PTPRD: variants seen among roughly 807,000 people sequenced by gnomAD.
PTPRD encodes protein tyrosine phosphatase receptor type D, also known as receptor-type tyrosine-protein phosphatase delta.
Under a neutral mutation model 214.5 loss-of-function variants are expected in PTPRD, and 34 were observed. The ratio of observed to expected loss-of-function variants is 0.16; its 90% CI spans 0.12 to 0.21. The LOEUF (loss-of-function observed/expected upper bound fraction) is 0.21, where lower values mean the gene tolerates loss of function less well. Among genes scored for constraint, PTPRD ranks in the 10% least tolerant of loss-of-function variants. The probability of loss-of-function intolerance (pLI) is 1.00; values close to 1 mark genes in which losing one functional copy is unlikely to be tolerated. For synonymous variants in PTPRD, 1,128 were observed against 845.7 expected (o/e 1.33, Z -5.79); for missense variants, 2,545 against 2,398.7 (o/e 1.06, Z -1.27).
chr9:8,858,390 A>C (rs547514533), intron 11 of PTPRD: 1 of 152,654 alleles, frequency 6.6e-6, no homozygotes, highest in African/African-American at 2.4e-5. Context: ...GGGCCCGAGC[A>C]GAGTCGAGGG....
chr9:9,673,478 T>C (rs182539836), intron 7 of PTPRD, among the ~76,000 whole-genome samples: 52 of 151,866 alleles, frequency 3.4e-4, no homozygotes, highest in Admixed American at 1.3e-3. Flanking sequence ...GTTAGATTAA[T>C]CCCACTGTAG....
intron 3 of PTPRD, among the ~76,000 whole-genome samples, chr9:10,278,767 T>G (rs185129199): frequency 4.0e-4 from 61 of 151,646 alleles, no homozygotes; most frequent in Admixed American, 6.6e-4. Context: ...AAAGGTTTTT[T>G]TTTTGTTTTG....
intron 11 of PTPRD, among the ~76,000 whole-genome samples, chr9:8,866,171 T>G (rs973008018): frequency 2.6e-5 from 4 of 152,276 alleles, no homozygotes; most frequent in African/African-American, 9.6e-5. Flanking sequence ...ACTGAACAAG[T>G]CTTGGAGAGA....
At chr9:10,026,401 G>T (rs749294536) in intron 4 of PTPRD, among the ~76,000 whole-genome samples, 4 of 152,144 alleles carry the variant, frequency 2.6e-5, no homozygotes, top group African/African-American at 9.7e-5. Flanking sequence ...TTGTTTAAAA[G>T]ATCTGAAATG....
chr9:8,737,144 A>G (rs1376942161), intron 11 of PTPRD, among the ~76,000 whole-genome samples: 1 of 152,202 alleles, frequency 6.6e-6, no homozygotes, highest in East Asian at 1.9e-4. Flanking sequence ...GCATAAGAAG[A>G]CCAAATTTTT....
intron 14 of PTPRD, among the ~76,000 whole-genome samples, chr9:8,632,810 C>A (rs571468720): frequency 6.6e-6 from 1 of 151,948 alleles, no homozygotes; most frequent in South Asian, 2.1e-4. Flanking sequence ...AGAAAGATAA[C>A]AGACAAATAA....
intron 4 of PTPRD, among the ~76,000 whole-genome samples, chr9:10,018,597 G>C (rs1475123913): frequency 8.3e-6 from 1 of 120,522 alleles, no homozygotes; most frequent in South Asian, 3.0e-4. Flanking sequence ...GCCCAGGCTG[G>C]AGTGCAGTGG....
intron 10 of PTPRD, among the ~76,000 whole-genome samples, chr9:9,043,683 C>G (rs910133757): frequency 6.6e-6 from 1 of 152,050 alleles, no homozygotes; most frequent in African/African-American, 2.4e-5. Flanking sequence ...GCAGGCGGAT[C>G]ACGTGAGGCC....
At chr9:9,036,946 C>G (rs1161386501) in intron 10 of PTPRD, among the ~76,000 whole-genome samples, 1 of 152,124 alleles carries the variant, frequency 6.6e-6, no homozygotes, top group Non-Finnish European at 1.5e-5. Context: ...ATGCTTCCAA[C>G]TCTCCTTAAA....
chr9:9,927,881 G>T (rs903353719), intron 5 of PTPRD, among the ~76,000 whole-genome samples: 1 of 152,106 alleles, frequency 6.6e-6, no homozygotes, highest in African/African-American at 2.4e-5. Flanking sequence ...GACACGGGAA[G>T]AAAATGCAGT....
intron 8 of PTPRD, among the ~76,000 whole-genome samples, chr9:9,478,138 T>TG (rs1176724577): frequency 1.5e-3 from 162 of 110,632 alleles, no homozygotes; most frequent in African/African-American, 4.5e-3. Flanking sequence ...TTTGGCCTTG[T>TG]TACAGTTTTA....
chr9:10,596,399 G>A (rs2076635264), intron 2 of PTPRD, among the ~76,000 whole-genome samples: 1 of 151,574 alleles, frequency 6.6e-6, no homozygotes, highest in Non-Finnish European at 1.5e-5. Flanking sequence ...CTGAGCCCCT[G>A]TCATACAGAG....
chr9:9,809,319 G>C (rs904726039), intron 5 of PTPRD, among the ~76,000 whole-genome samples: 2 of 146,146 alleles, frequency 1.4e-5, no homozygotes, highest in African/African-American at 5.1e-5. Context: ...CCAAACTGGA[G>C]TGCAGTGGCC....
intron 33 of PTPRD, among the ~76,000 whole-genome samples, chr9:8,456,774 C>T (rs2096220255): frequency 1.3e-5 from 2 of 151,938 alleles, no homozygotes; most frequent in South Asian, 4.2e-4. Context: ...AGTGTGCATG[C>T]AGGCTAGATT....
intron 9 of PTPRD, among the ~76,000 whole-genome samples, chr9:9,269,101 A>C (rs1034231081): frequency 6.6e-6 from 1 of 151,456 alleles, no homozygotes; most frequent in African/African-American, 2.4e-5. Context: ...AAATATCTGC[A>C]AACCACATAT....
chr9:8,674,917 C>A (rs929881345), intron 12 of PTPRD, among the ~76,000 whole-genome samples: 1 of 152,124 alleles, frequency 6.6e-6, no homozygotes, highest in African/African-American at 2.4e-5. Context: ...CTGAGCATTA[C>A]TGTAAATCTA....
At chr9:9,845,010 T>C (rs969129166) in intron 5 of PTPRD, among the ~76,000 whole-genome samples, 5 of 147,590 alleles carry the variant, frequency 3.4e-5, no homozygotes, top group Non-Finnish European at 7.5e-5. Context: ...ACCACTGAAA[T>C]ACTGTATGTA....
At chr9:8,681,233 T>C (rs778754492) in intron 12 of PTPRD, among the ~76,000 whole-genome samples, 3 of 151,958 alleles carry the variant, frequency 2.0e-5, no homozygotes, top group Non-Finnish European at 4.4e-5. Flanking sequence ...TAGAAATCAG[T>C]TTTTAGTTAA....
chr9:9,866,981 G>C (rs1250100229), intron 5 of PTPRD, among the ~76,000 whole-genome samples: 2 of 152,076 alleles, frequency 1.3e-5, no homozygotes, highest in African/African-American at 4.8e-5. Flanking sequence ...TTTGAGTATA[G>C]TCATGTTATT....
Sources: gnomAD v4.1 joint callset for allele counts (sites outside exome capture counted in the v4.1 genomes callset) on GRCh38, gnomAD v4.1.1 for gene constraint, MANE v1.5 for transcripts, NCBI Gene and HGNC (gene_info 2026-07-23, HGNC 2026-07-21) for gene names.